Variants in FASN observed in about 807,000 individuals in gnomAD.
FASN encodes the protein fatty acid synthase.
FASN carries 50 observed loss-of-function variants against 250.0 expected under a neutral mutation model. The observed-to-expected ratio is 0.20, with a 90% confidence interval of 0.16 to 0.25. FASN has a LOEUF of 0.25. Ranked by LOEUF, FASN falls within the 10% of genes least tolerant of loss-of-function variation. The pLI, the probability that FASN is intolerant of heterozygous loss-of-function variation, is 1.00. For missense variants in FASN, 3,031 were observed against 3,498.5 expected (o/e 0.87, Z 3.37); for synonymous variants, 1,909 against 1,584.0 (o/e 1.21, Z -4.87).
At chr17:82,095,173 T>C in intron 3 of FASN, 147 bp downstream of exon 3, 8 of 989,240 alleles carry the variant, frequency 8.1e-6, no homozygotes, top group Non-Finnish European at 1.3e-5. Flanking sequence ...CACACCTCCC[T>C]GAGCCCGTTG....
At chr17:82,087,619 T>G in intron 19 of FASN, 66 bp downstream of exon 19, 1 of 1,602,064 alleles carries the variant, frequency 6.2e-7, no homozygotes, top group Non-Finnish European at 8.5e-7. Flanking sequence ...GTGGGTGCCC[T>G]CTGTGGTCCC....
chr17:82,091,672 G>C lies in FASN; in HGVS notation c.1042C>G (p.Leu348Val). The change falls in exon 9 of 43, where the codon CTG becomes GTG. Residue 348 changes from leucine to valine, a missense_variant. Physicochemically the swap from Leu to Val is conservative, Grantham distance 32. Transcript: ENST00000306749. ...TTGGGGGCCCAGAGCCCGTGCTCCA[G>C]GGACAGCAGCACCTGCGGGGGTACG... Reference protein sequence around the residue: ...LAALAKVLLSLEHGLWAPNLH... With the variant: ...LAALAKVLLSVEHGLWAPNLH... 6.3e-7 allele frequency: 1 copy of C among 1,585,348 alleles called. No homozygotes were observed. Among genetic ancestry groups the C allele is most frequent in the Non-Finnish European group, 8.6e-7 (1 of 1,166,790 alleles).
chr17:82,089,726 C>G lies in FASN; in HGVS notation c.1871G>C (p.Gly624Ala). The change falls in exon 12 of 43, where the codon GGC (glycine) becomes GCC (alanine). Residue 624 changes from glycine (G) to alanine (A), a missense_variant and splice_region_variant. By Grantham distance (60) the Gly-to-Ala change is moderately conservative. Coordinates refer to ENST00000306749, the MANE Select transcript of FASN (RefSeq NM_004104.5). Reference protein sequence around the residue: ...HLPPGAMAAVGLSWEECKQRC... With the variant: ...HLPPGAMAAVALSWEECKQRC... ...CTGTTTACACTCCTCCCAGGACAAG[C>G]CTATGGCAGAGCCAGCCTCAGAGGC... 1 of 1,584,862 alleles carries G rather than the reference C, an allele frequency of 6.3e-7. No homozygotes were observed. Among genetic ancestry groups the G allele is most frequent in the Non-Finnish European group, 8.6e-7 (1 of 1,167,118 alleles).
rs1048412913 is a variant in FASN, at chr17:82,089,014, A to C, written c.2259T>G (p.Pro753=). ...VLFQEALWHV[P]EHAVVLEIAP... ...CGATCTCCAGCACCACCGCGTGCTC[A>C]GGCACGTGCCACAGGGCCTCCTGGA... Residue 753 remains proline, a synonymous_variant, in exon 14 of 43, where the codon CCT becomes CCG. Transcript: ENST00000306749. The C allele has an allele frequency of 1.9e-6, 3 of 1,608,828 alleles. No homozygotes were observed. In the African/African-American group the frequency reaches 4.0e-5, roughly 22 times the overall value.
At chr17:82,097,921 C>T (rs762947073) in intron 1 of FASN, among the ~76,000 whole-genome samples, 200 bp downstream of exon 1, 11 of 152,186 alleles carry the variant, frequency 7.2e-5, no homozygotes, top group Admixed American at 1.3e-4. Flanking sequence ...GCCATCCGCC[C>T]ACCTACTCCG....
In FASN at chr17:82,079,084, T is replaced by TG. The variant is rs2033941084; in HGVS notation, c.*58dup. On this transcript the variant is annotated 3_prime_UTR_variant, in exon 43 of 43. Coordinates refer to ENST00000306749, the MANE Select transcript of FASN (RefSeq NM_004104.5). ...CTTCAATCCCGTTGCATGGCGGGGG[T>TG]GGGGTGGGGTGGGGTGGGGATGGTG... 3 of 1,054,650 alleles carry TG rather than the reference T, an allele frequency of 2.8e-6. No individual in the cohort carries two copies. Among genetic ancestry groups the TG allele is most frequent in the Non-Finnish European group, 3.7e-6 (3 of 814,896 alleles). The allele number at this position is 1,054,650 out of a possible 1,614,324, so 65.3% of individuals were successfully genotyped here.
chr17:82,082,472 G>A (rs887094929), intron 34 of FASN, 55 bp downstream of exon 34: 2 of 1,611,600 alleles, frequency 1.2e-6, no homozygotes, highest in East Asian at 2.2e-5. Context: ...GTCCACCCAG[G>A]GTCCCCCCCT....
In FASN at chr17:82,087,824, G is replaced by A. The variant is rs766800487; in HGVS notation, c.2904C>T (p.Leu968=). ...VYQWDDPDPR[L]FDHPESPTPN... ...GGGTGGGGCTTTCCGGGTGGTCGAAGAGCCTGGGGTCAGGGTCATCCCACT... is the reference window on the plus strand; with the variant it reads ...GGGTGGGGCTTTCCGGGTGGTCGAAAAGCCTGGGGTCAGGGTCATCCCACT... The change falls in exon 19 of 43, where the codon CTC becomes CTT. Residue 968 remains leucine (L), a synonymous_variant. Transcript: ENST00000306749. The A allele has an allele frequency of 1.2e-6, 2 of 1,612,672 alleles. No individual in the cohort carries two copies. The highest frequency in any genetic ancestry group is 1.7e-6 in the Non-Finnish European group (2 of 1,179,916).
intron 5 of FASN, 45 bp from the exon 6 acceptor site, chr17:82,093,064 G>A: frequency 6.2e-7 from 1 of 1,607,388 alleles, no homozygotes; most frequent in South Asian, 1.1e-5. Context: ...CCCCACGCCG[G>A]CCCCCACCCC....
rs1429879560 is a variant in FASN at position 82,087,408 on chromosome 17, T to C, written c.3140A>G (p.Tyr1047Cys). 6.2e-7 allele frequency: 1 copy of C among 1,612,646 alleles called. No individual in the cohort carries two copies. Among genetic ancestry groups the C allele is most frequent in the South Asian group, 1.1e-5 (1 of 91,084 alleles). The change falls in exon 20 of 43, where the codon TAC becomes TGC. Residue 1047 changes from tyrosine (Y) to cysteine (C), a missense_variant. Coordinates refer to ENST00000306749, the MANE Select transcript of FASN (RefSeq NM_004104.5). ...SILGSAKHGL[Y>C]LPTRVTAIHI... is the part of the protein sequence containing the mutation. ...GATGGCGGTGACACGGGTGGGCAGGTACAGGCCGTGCTTGGCCGAGCCCAG... is the reference window on the plus strand; with the variant it reads ...GATGGCGGTGACACGGGTGGGCAGGCACAGGCCGTGCTTGGCCGAGCCCAG...
rs1304743105 is a variant in FASN, at chr17:82,085,659, G to C, written c.3945C>G (p.Cys1315Trp). Residue 1315 changes from cysteine to tryptophan, a missense_variant, in exon 23 of 43, where the codon TGC (cysteine) becomes TGG (tryptophan). Cys to Trp is a radical substitution (Grantham distance 215). Coordinates refer to ENST00000306749, the MANE Select transcript of FASN (RefSeq NM_004104.5). ...SALGSADLLV[C>W]NCAVAALGDP... ...CCCCGAGGGCAGCCACAGCACAGTT[G>C]CACACCAGGAGGTCGGCGCTGCCCA... 2.5e-6 allele frequency: 4 copies of C among 1,591,404 alleles called. No individual in the cohort carries two copies. Among genetic ancestry groups the C allele is most frequent in the South Asian group, 1.1e-5 (1 of 87,778 alleles).
rs372671220 is a variant in FASN at position 82,087,204 on chromosome 17, G to A, written c.3273C>T (p.Gly1091=). 8 of 1,604,764 alleles carry A rather than the reference G, an allele frequency of 5.0e-6. No individual in the cohort carries two copies. Among genetic ancestry groups the A allele is most frequent in the African/African-American group, 2.7e-5 (2 of 74,932 alleles). The change falls in exon 21 of 43, where the codon GGC becomes GGT. Residue 1091 remains glycine, a synonymous_variant. Transcript: ENST00000306749. ...CAGTGTGGAGCCCGGAGATGTGGAC[G>A]CCTCCGGCCACTGTGACCCTCAGCC... ...SRWLRVTVAG[G]VHISGLHTES...
Position 82,080,141 on chromosome 17 carries a change from C to T in FASN, c.7145G>A (p.Arg2382Lys), listed in dbSNP as rs925836770. ...GCCTCAGGGGTGTCCAGGACCCACCCTGTTGTGCTCCATGTCCGTGAACTG... is the reference window on the plus strand; with the variant it reads ...GCCTCAGGGGTGTCCAGGACCCACCTTGTTGTGCTCCATGTCCGTGAACTG... ...VQQFTDMEHN[R>K]VLEALLPLKG... The change falls in exon 41 of 43, where the codon AGG becomes AAG. Residue 2382 changes from arginine to lysine, a missense_variant and splice_region_variant. Coordinates refer to ENST00000306749, the MANE Select transcript of FASN (RefSeq NM_004104.5). 3.7e-6 allele frequency: 6 copies of T among 1,613,010 alleles called. No homozygotes were observed. Among genetic ancestry groups the T allele is most frequent in the Non-Finnish European group, 5.1e-6 (6 of 1,179,990 alleles).
intron 11 of FASN, 110 bp from the exon 12 acceptor site, chr17:82,089,836 T>C (rs2034172140): frequency 2.1e-6 from 2 of 952,004 alleles, no homozygotes; most frequent in Non-Finnish European, 1.6e-6. Context: ...AGTGTGGTAA[T>C]GGCAGCCTTG....
Position 82,084,947 on chromosome 17 carries a change from C to G in FASN, c.4416G>C (p.Val1472=), listed in dbSNP as rs1278483584. 2 of 1,558,922 alleles carry G rather than the reference C, an allele frequency of 1.3e-6. No homozygotes were observed. The highest frequency in any genetic ancestry group is 3.9e-5 in the Admixed American group (2 of 51,740). Residue 1472 remains valine (V), a synonymous_variant, in exon 26 of 43, where the codon GTG becomes GTC. Transcript: ENST00000306749. ...AGGTGCTGCTGAGGTTGGAGAGCAG[C>G]ACACACCTGGGGGCAGAGGCGGGGA... ...REPGGNRLRC[V]LLSNLSSTSH... is the part of the protein sequence containing the mutation.
intron 8 of FASN, 80 bp from the exon 9 acceptor site, chr17:82,091,764 ACT>A: frequency 7.6e-7 from 1 of 1,311,188 alleles, no homozygotes; most frequent in South Asian, 1.4e-5. Flanking sequence ...CCTCCCCGAG[ACT>A]CTCATGTGGG....
In FASN at chr17:82,093,662, G is replaced by A. The variant is rs775140739; in HGVS notation, c.390C>T (p.Tyr130=). 7 of 1,612,796 alleles carry A rather than the reference G, an allele frequency of 4.3e-6. No homozygotes were observed. Among genetic ancestry groups the A allele is most frequent in the Non-Finnish European group, 3.4e-6 (4 of 1,179,986 alleles). ...LSRDPETLVG[Y]SMVGCQRAMM... is the part of the protein sequence containing the mutation. Reference sequence around the variant, plus strand: ...TCGCTCGCTGGCAGCCCACCATGCTGTAGCCCACGAGTGTCTCGGGGTCTC... The same window carrying A: ...TCGCTCGCTGGCAGCCCACCATGCTATAGCCCACGAGTGTCTCGGGGTCTC... The change falls in exon 4 of 43, where the codon TAC becomes TAT. Residue 130 remains tyrosine (Y), a synonymous_variant. Transcript: ENST00000306749.
Position 82,083,641 on chromosome 17 carries a change from T to C in FASN, c.5219-2A>G, listed in dbSNP as rs111573802. ...AGGAGTTCAAGACCAGGTCAACGCC[T>C]AGGGGGCCAGAGGGGCCAGACAATC... On this transcript the variant is annotated splice_acceptor_variant, in intron 30 of 42. Coordinates refer to ENST00000306749, the MANE Select transcript of FASN (RefSeq NM_004104.5). LOFTEE classifies it high-confidence loss of function. 6.2e-7 allele frequency: 1 copy of C among 1,607,230 alleles called. No individual in the cohort carries two copies.
rs748214805 is a variant in FASN at position 82,084,018 on chromosome 17, G to A, written c.5055C>T (p.Ile1685=). The change falls in exon 29 of 43, where the codon ATC becomes ATT. Residue 1685 remains isoleucine, a synonymous_variant. Transcript: ENST00000306749. ...SGSGGVGQAA[I]AIALSLGCRV... Reference sequence around the variant, plus strand: ...GGCAGCCCAGACTGAGGGCGATGGCGATGGCGGCCTGGCCCACGCCGCCCG... The same window carrying A: ...GGCAGCCCAGACTGAGGGCGATGGCAATGGCGGCCTGGCCCACGCCGCCCG... 33 of 1,539,554 alleles carry A rather than the reference G, an allele frequency of 2.1e-5. No individual in the cohort carries two copies. In the South Asian group the frequency reaches 2.3e-4, roughly 11 times the overall value.
Sources: allele counts gnomAD v4.1 joint callset (sites outside exome capture counted in the v4.1 genomes callset), GRCh38; gene constraint gnomAD v4.1.1; transcripts MANE v1.5; gene names NCBI Gene and HGNC (gene_info 2026-07-23, HGNC 2026-07-21).